Variants in CLASP2 observed in about 807,000 individuals in gnomAD.
CLASP2 encodes the protein cytoplasmic linker associated protein 2.
Under a neutral mutation model 194.4 loss-of-function variants are expected in CLASP2, and 47 were observed. The observed-to-expected ratio is 0.24, with a 90% CI of 0.19 to 0.31. The LOEUF (loss-of-function observed/expected upper bound fraction) is 0.31, where lower values mean the gene tolerates loss of function less well. Among genes scored for constraint, CLASP2 ranks in the 10% least tolerant of loss-of-function variants. CLASP2 has a pLI of 1.00. For synonymous variants in CLASP2, 619 were observed against 633.5 expected, an observed-to-expected ratio of 0.98 and a Z score of 0.34; for missense variants, 1,445 against 1,823.6, an observed-to-expected ratio of 0.79 and a Z score of 3.78.
intron 23 of CLASP2, among the ~76,000 whole-genome samples, chr3:33,580,554 C>T (rs1465960807): frequency 1.3e-5 from 2 of 151,912 alleles, no homozygotes; most frequent in Non-Finnish European, 2.9e-5. Flanking sequence ...CAGAGTGAGA[C>T]TCCACCTCAA....
chr3:33,524,085 C>G (rs1224552343), intron 34 of CLASP2, among the ~76,000 whole-genome samples: 1 of 151,960 alleles, frequency 6.6e-6, no homozygotes, highest in African/African-American at 2.4e-5. Flanking sequence ...GAAGTAAGTC[C>G]TTTCTTATCA....
chr3:33,624,612 T>A (rs1055875183), intron 10 of CLASP2, among the ~76,000 whole-genome samples: 1 of 152,082 alleles, frequency 6.6e-6, no homozygotes. Flanking sequence ...TATTTACCTA[T>A]GATAAAGTTT....
At chr3:33,600,165 T>C (rs1278004420) in intron 18 of CLASP2, among the ~76,000 whole-genome samples, 4 of 152,128 alleles carry the variant, frequency 2.6e-5, no homozygotes, top group Non-Finnish European at 1.5e-5. Flanking sequence ...GACAGTTTGT[T>C]CTTCCATTCC....
intron 1 of CLASP2, among the ~76,000 whole-genome samples, chr3:33,711,209 G>A (rs2092988087): frequency 6.6e-6 from 1 of 151,132 alleles, no homozygotes; most frequent in Admixed American, 6.6e-5. Context: ...CCCTAGTGTA[G>A]CTATAGGGTA....
intron 38 of CLASP2, 31 bp from the exon 39 acceptor site, chr3:33,498,748 G>C: frequency 7.0e-7 from 1 of 1,431,130 alleles, no homozygotes; most frequent in Non-Finnish European, 9.9e-7. Flanking sequence ...AATGTCATTT[G>C]AGCAAGCTGC....
In CLASP2 at chr3:33,627,069, A is replaced by G; in HGVS notation, c.954T>C (p.Ser318=). ...TATTTAATGTTTCTTCGAGTTCTCG[A>G]CTAGAATAAATCTTAAAAAAAAGAT... ...TDVPSIQIYS[S]RELEETLNKI... is the part of the protein sequence containing the mutation. The change falls in exon 10 of 39, where the codon AGT becomes AGC. Residue 318 remains serine (S), a synonymous_variant. Transcript: ENST00000682230. 1 of 1,536,096 alleles carries G rather than the reference A, an allele frequency of 6.5e-7. No individual in the cohort carries two copies. The highest frequency in any genetic ancestry group is 8.9e-7 in the Non-Finnish European group (1 of 1,122,920).
intron 8 of CLASP2, among the ~76,000 whole-genome samples, chr3:33,637,505 G>A (rs899040698): frequency 7.2e-5 from 11 of 152,142 alleles, no homozygotes; most frequent in Non-Finnish European, 1.6e-4. Context: ...CTGCACTCTA[G>A]CCTTAGCAAG....
At chr3:33,557,822 G>A (rs1301986012) in intron 29 of CLASP2, among the ~76,000 whole-genome samples, 1 of 152,164 alleles carries the variant, frequency 6.6e-6, no homozygotes, top group African/African-American at 2.4e-5. Flanking sequence ...TTGAGTGTAA[G>A]TTGTGAAAGG....
chr3:33,540,384 A>G (rs545186785), intron 32 of CLASP2, among the ~76,000 whole-genome samples: 3 of 151,816 alleles, frequency 2.0e-5, no homozygotes, highest in East Asian at 3.9e-4. Flanking sequence ...CTACAAACAC[A>G]CACCACCATG....
chr3:33,558,121 G>GT (rs1387910917), intron 29 of CLASP2, among the ~76,000 whole-genome samples: 1 of 152,172 alleles, frequency 6.6e-6, no homozygotes, highest in Non-Finnish European at 1.5e-5. Flanking sequence ...CTGAGCACGA[G>GT]ATGAATGCCT....
intron 6 of CLASP2, among the ~76,000 whole-genome samples, chr3:33,672,873 A>G (rs1478446186): frequency 2.6e-5 from 4 of 152,258 alleles, no homozygotes; most frequent in Non-Finnish European, 4.4e-5. Context: ...GAAATGAAGC[A>G]AGAAGGGAAG....
chr3:33,533,719 T>C (rs1464674476), intron 34 of CLASP2, among the ~76,000 whole-genome samples: 1 of 152,158 alleles, frequency 6.6e-6, no homozygotes, highest in Non-Finnish European at 1.5e-5. Flanking sequence ...TTATCTTTAT[T>C]GCTCTTTTTT....
chr3:33,714,652 T>C (rs762541279), intron 1 of CLASP2, among the ~76,000 whole-genome samples: 5 of 152,198 alleles, frequency 3.3e-5, no homozygotes, highest in Non-Finnish European at 7.4e-5. Context: ...AAACCAGGCC[T>C]AGCCACGATT....
chr3:33,545,909 G>GAAA (rs398062225), intron 30 of CLASP2, among the ~76,000 whole-genome samples: 1 of 124,702 alleles, frequency 8.0e-6, no homozygotes, highest in African/African-American at 2.9e-5. Flanking sequence ...GACTTAAAAG[G>GAAA]AAAAAAAAAA....
At chr3:33,596,032 CTTAAG>C (rs2070248528) in intron 19 of CLASP2, among the ~76,000 whole-genome samples, 2 of 151,386 alleles carry the variant, frequency 1.3e-5, no homozygotes, top group African/African-American at 4.9e-5. Context: ...AGTTTAGTAT[CTTAAG>C]TTATTTAAAA....
intron 3 of CLASP2, among the ~76,000 whole-genome samples, chr3:33,689,348 T>C (rs1043338341): frequency 2.0e-5 from 3 of 150,570 alleles, no homozygotes; most frequent in African/African-American, 4.9e-5. Flanking sequence ...TGTAAATGAA[T>C]AAACGAGAGT....
chr3:33,696,477 T>C (rs1453896072), intron 2 of CLASP2, among the ~76,000 whole-genome samples: 1 of 150,370 alleles, frequency 6.7e-6, no homozygotes, highest in Non-Finnish European at 1.5e-5. Context: ...CTTTTTTTTT[T>C]TTTTTTGAGA....
At chr3:33,706,408 T>G (rs2092687647) in intron 1 of CLASP2, among the ~76,000 whole-genome samples, 1 of 152,192 alleles carries the variant, frequency 6.6e-6, no homozygotes, top group Admixed American at 6.5e-5. Context: ...TGAATCTAAA[T>G]TTACATCAAG....
At chr3:33,612,828 G>A (rs1223472355) in intron 12 of CLASP2, among the ~76,000 whole-genome samples, 2 of 152,080 alleles carry the variant, frequency 1.3e-5, no homozygotes, top group Non-Finnish European at 2.9e-5. Context: ...TCATGTGGGA[G>A]ATAAACAAAA....
Sources: allele counts gnomAD v4.1 joint callset (sites outside exome capture counted in the v4.1 genomes callset), GRCh38; gene constraint gnomAD v4.1.1; transcripts MANE v1.5; gene names NCBI Gene and HGNC (gene_info 2026-07-23, HGNC 2026-07-21).